Variants in MEMO1 observed in about 807,000 individuals in gnomAD.
MEMO1 encodes mediator of cell motility 1, also known as protein MEMO1.
Under a neutral mutation model 45.2 loss-of-function variants are expected in MEMO1, and 6 were observed. The ratio of observed to expected loss-of-function variants is 0.13; its 90% CI spans 0.07 to 0.26. The LOEUF is 0.26. MEMO1 is among the 10% of genes least tolerant of loss of function. The probability of loss-of-function intolerance (pLI) is 1.00; values close to 1 mark genes in which losing one functional copy is unlikely to be tolerated. For missense variants in MEMO1, 184 were observed against 370.5 expected (o/e 0.50, Z 4.13); for synonymous variants, 78 against 124.3 (o/e 0.63, Z 2.48).
chr2:31,913,797 C>T lies in MEMO1; in HGVS notation c.437+4129G>A, dbSNP rs934121878. The stretch of plus-strand genomic sequence containing the variant: ...TACAAATAATCCGTCAACTATTTAA[C>T]CACAGTTTCTACAAATCCAATCACC... On this transcript the variant is annotated intron_variant, in intron 6 of 9. Coordinates refer to ENST00000404530, the MANE Select transcript of MEMO1 (RefSeq NM_001301833.4). Among the ~76,000 whole-genome samples the T allele has an allele frequency of 2.6e-5, 4 of 152,064 alleles. 1 individual carries two copies. In the South Asian group the frequency reaches 6.2e-4, roughly 24 times the overall value.
intron 6 of MEMO1, among the ~76,000 whole-genome samples, chr2:31,908,676 T>C (rs1266828837): frequency 6.6e-6 from 1 of 152,186 alleles, no homozygotes; most frequent in Non-Finnish European, 1.5e-5. Context: ...AATCAAGCTG[T>C]AGAAGGCTTT....
chr2:32,009,100 A>G (rs1426957416), intron 2 of MEMO1, among the ~76,000 whole-genome samples: 2 of 151,988 alleles, frequency 1.3e-5, no homozygotes, highest in Admixed American at 6.5e-5. Flanking sequence ...TAATCCCAGA[A>G]AACAGGCATT....
chr2:31,958,559 A>T (rs963091886), intron 2 of MEMO1, among the ~76,000 whole-genome samples: 2 of 152,118 alleles, frequency 1.3e-5, no homozygotes, highest in Non-Finnish European at 2.9e-5. Context: ...TCTTAGGCCG[A>T]ATCAGCAAAT....
chr2:32,006,564 C>T lies in MEMO1; in HGVS notation c.61+3623G>A, dbSNP rs929538346. Among the ~76,000 whole-genome samples the T allele has an allele frequency of 8.8e-4, 127 of 144,542 alleles. 2 individuals carry two copies. The highest frequency in any genetic ancestry group is 2.4e-4 in the Non-Finnish European group (16 of 66,514). The allele number at this position is 144,542 out of a possible 152,430, so 94.8% of individuals were successfully genotyped here. On this transcript the variant is annotated intron_variant, in intron 2 of 9. Coordinates refer to ENST00000404530, the MANE Select transcript of MEMO1 (RefSeq NM_001301833.4). ...TTTTAAACAACCCATTAAATATTAA[C>T]AACCATTCTTAGCTACTGGACCTTA...
intron 8 of MEMO1, among the ~76,000 whole-genome samples, chr2:31,872,169 A>G (rs567205378): frequency 8.2e-4 from 125 of 152,338 alleles, no homozygotes; most frequent in African/African-American, 3.0e-3. Context: ...TAAATAATGG[A>G]TGATCAAGAT....
intron 3 of MEMO1, among the ~76,000 whole-genome samples, chr2:31,941,544 G>A (rs970955932): frequency 1.3e-5 from 2 of 152,098 alleles, no homozygotes; most frequent in South Asian, 4.1e-4. Flanking sequence ...CCACAAGAGT[G>A]GCAACTTTGA....
intron 6 of MEMO1, among the ~76,000 whole-genome samples, chr2:31,914,462 T>A (rs150697337): frequency 6.6e-6 from 1 of 152,118 alleles, no homozygotes; most frequent in African/African-American, 2.4e-5. Context: ...AATAACTCAA[T>A]TGTACATTTT....
chr2:31,982,566 G>A (rs1670772881), intron 2 of MEMO1, among the ~76,000 whole-genome samples: 1 of 145,244 alleles, frequency 6.9e-6, no homozygotes. Context: ...TCCAGCCTGG[G>A]CAACAGGGCA....
At chr2:31,996,789 C>T (rs1469892589) in intron 2 of MEMO1, among the ~76,000 whole-genome samples, 3 of 152,076 alleles carry the variant, frequency 2.0e-5, no homozygotes, top group Non-Finnish European at 2.9e-5. Flanking sequence ...GGAGTGTGGT[C>T]GTGTAATCAT....
At chr2:32,010,131 C>T (rs1300952039) in intron 2 of MEMO1, 56 bp downstream of exon 2, 1 of 944,918 alleles carries the variant, frequency 1.1e-6, no homozygotes, top group Non-Finnish European at 1.3e-6. Flanking sequence ...CTCGGCCGGC[C>T]GGGCGTGGGG....
At chr2:31,896,948 G>A (rs916759773) in intron 6 of MEMO1, among the ~76,000 whole-genome samples, 6 of 152,176 alleles carry the variant, frequency 3.9e-5, no homozygotes, top group Non-Finnish European at 7.4e-5. Context: ...CACATCCCTC[G>A]TAAGTTGGAT....
intron 2 of MEMO1, among the ~76,000 whole-genome samples, chr2:32,007,070 A>G (rs1410302912): frequency 6.6e-6 from 1 of 151,948 alleles, no homozygotes; most frequent in Non-Finnish European, 1.5e-5. Context: ...AGAAACCTCC[A>G]TTGGTCCTCA....
intron 2 of MEMO1, among the ~76,000 whole-genome samples, chr2:32,008,384 G>A (rs946189835): frequency 2.0e-5 from 3 of 152,234 alleles, no homozygotes; most frequent in African/African-American, 7.2e-5. Context: ...GGGAGTTAGA[G>A]ACCAGCATGG....
intron 2 of MEMO1, among the ~76,000 whole-genome samples, chr2:32,002,242 T>A (rs577979055): frequency 1.4e-5 from 2 of 143,892 alleles, no homozygotes; most frequent in African/African-American, 2.6e-5. Flanking sequence ...TATATACATA[T>A]ACATATATAC....
At chr2:32,006,283 TC>T (rs1251690053) in intron 2 of MEMO1, among the ~76,000 whole-genome samples, 1 of 152,134 alleles carries the variant, frequency 6.6e-6, no homozygotes, top group Non-Finnish European at 1.5e-5. Flanking sequence ...CAGAAGGAAG[TC>T]CAATTCGGAG....
intron 3 of MEMO1, among the ~76,000 whole-genome samples, chr2:31,939,427 T>C (rs1038836263): frequency 1.1e-4 from 17 of 152,148 alleles, no homozygotes; most frequent in Non-Finnish European, 2.1e-4. Flanking sequence ...GGCTAAAACA[T>C]TCCATTTCCC....
At chr2:31,900,586 T>A (rs1678636941) in intron 6 of MEMO1, among the ~76,000 whole-genome samples, 1 of 152,036 alleles carries the variant, frequency 6.6e-6, no homozygotes, top group Admixed American at 6.6e-5. Flanking sequence ...ATGTAGATGA[T>A]GGGCTGATGG....
At chr2:32,003,989 C>T (rs1289472914) in intron 2 of MEMO1, among the ~76,000 whole-genome samples, 9 of 151,890 alleles carry the variant, frequency 5.9e-5, no homozygotes, top group Admixed American at 5.2e-4. Flanking sequence ...AATTTGAGAC[C>T]AGCCTCAACA....
At chr2:32,001,054 T>C (rs1051977479) in intron 2 of MEMO1, among the ~76,000 whole-genome samples, 24 of 149,646 alleles carry the variant, frequency 1.6e-4, no homozygotes, top group South Asian at 8.5e-4. Flanking sequence ...TTTTTTTTTT[T>C]TGAGACAGGA....
Sources: gnomAD v4.1 joint callset for allele counts (sites outside exome capture counted in the v4.1 genomes callset) on GRCh38, gnomAD v4.1.1 for gene constraint, MANE v1.5 for transcripts, NCBI Gene and HGNC (gene_info 2026-07-23, HGNC 2026-07-21) for gene names.